Variants in DDAH1 observed in about 807,000 individuals in gnomAD.
The protein encoded by DDAH1 is dimethylarginine dimethylaminohydrolase 1.
A neutral mutation model predicts 28.8 loss-of-function variants in DDAH1; 19 were observed. The ratio of observed to expected loss-of-function variants is 0.66; its 90% CI spans 0.46 to 0.97. The LOEUF (loss-of-function observed/expected upper bound fraction) is 0.97, where lower values mean the gene tolerates loss of function less well. Among genes scored for constraint, DDAH1 ranks in the 50% least tolerant of loss-of-function variants. The pLI, the probability that DDAH1 is intolerant of heterozygous loss-of-function variation, is 0.00. For missense variants in DDAH1, 326 were observed against 375.9 expected (o/e 0.87, Z 1.10); for synonymous variants, 153 against 154.4 (o/e 0.99, Z 0.07).
intron 1 of DDAH1, among the ~76,000 whole-genome samples, chr1:85,518,388 C>T (rs1265523378): frequency 6.6e-6 from 1 of 152,180 alleles, no homozygotes. Context: ...AATCCCTTTC[C>T]CTGCTCGTTC....
chr1:85,470,345 T>C (rs1338003513), intron 2 of DDAH1, among the ~76,000 whole-genome samples: 1 of 152,180 alleles, frequency 6.6e-6, no homozygotes, highest in African/African-American at 2.4e-5. Flanking sequence ...TATAAAACCC[T>C]CAGACCTTGT....
chr1:85,464,912 C>G lies in DDAH1; in HGVS notation c.134G>C (p.Arg45Pro), dbSNP rs778865975. ...CACGCCCACGTAGAGCTGGTGCTGC[C>G]GTTCCGCGCGGGCGACGTCCACCTC... ...GEEVDVARAE[R>P]QHQLYVGVLG... The change falls in exon 1 of 6, where the codon CGG becomes CCG. Residue 45 changes from arginine (R) to proline (P), a missense_variant. Coordinates refer to ENST00000284031, the MANE Select transcript of DDAH1 (RefSeq NM_012137.4). The surrounding 1 kb of genome is among the most constrained non-coding windows in gnomAD (Gnocchi z 4.4). 2.6e-6 allele frequency: 4 copies of G among 1,560,222 alleles called. No homozygotes were observed. The highest frequency in any genetic ancestry group is 1.2e-5 in the South Asian group (1 of 85,716).
chr1:85,520,503 T>C (rs1657645710), intron 1 of DDAH1, among the ~76,000 whole-genome samples: 1 of 152,202 alleles, frequency 6.6e-6, no homozygotes, highest in Non-Finnish European at 1.5e-5. Flanking sequence ...ATGCCCAAAA[T>C]ATGTACATGA....
rs557613495 is a variant in DDAH1 at position 85,373,382 on chromosome 1, C to T, written c.304-14535G>A. 7.2e-5 allele frequency among the ~76,000 whole-genome samples: 11 copies of T among 152,200 alleles called. No homozygotes were observed. The East Asian group carries it at 9.6e-4, about 13-fold the overall frequency. ...CAAATCTCATCTCAAATTGTAATCT[C>T]CATGTCCCACATATCAAAGGAGGGA... On this transcript the variant is annotated intron_variant, in intron 1 of 5. Transcript: ENST00000284031.
intron 1 of DDAH1, among the ~76,000 whole-genome samples, chr1:85,424,272 T>A (rs936473509): frequency 6.6e-6 from 1 of 152,076 alleles, no homozygotes; most frequent in African/African-American, 2.4e-5. Flanking sequence ...CTGGAAGAGA[T>A]TAAGGAGAAT....
At position 85,350,389 on chromosome 1, in the gene DDAH1, TAGAAGG is replaced by T. The variant is rs111726010; in HGVS notation, c.597+20_597+25del. 2.6e-5 allele frequency: 41 copies of T among 1,606,266 alleles called. 1 individual carries two copies. In the African/African-American group the frequency reaches 2.8e-4, roughly 11 times the overall value. ...CTGTGGCAGGCACCCCCACTACATT[TAGAAGG>T]AGCACAGTTTTGTATTTACCTTAAG... On this transcript the variant is annotated intron_variant, in intron 4 of 5. Transcript: ENST00000284031.
chr1:85,533,552 A>T (rs1297617268), intron 1 of DDAH1, among the ~76,000 whole-genome samples: 2 of 152,186 alleles, frequency 1.3e-5, no homozygotes, highest in Non-Finnish European at 2.9e-5. Context: ...GGTAAAAGAG[A>T]TGAAAACAGA....
At chr1:85,501,183 GT>G (rs1309863956) in intron 1 of DDAH1, among the ~76,000 whole-genome samples, 1 of 152,136 alleles carries the variant, frequency 6.6e-6, no homozygotes, top group Non-Finnish European at 1.5e-5. Context: ...AGAGTGTTAA[GT>G]TTTGTTACGT....
chr1:85,571,239 G>T (rs1408674475), intron 1 of DDAH1, among the ~76,000 whole-genome samples: 1 of 152,146 alleles, frequency 6.6e-6, no homozygotes, highest in Non-Finnish European at 1.5e-5. Flanking sequence ...CAAAGGGTCG[G>T]TCCCATCTGT....
intron 4 of DDAH1, among the ~76,000 whole-genome samples, chr1:85,335,915 T>C (rs574124027): frequency 3.9e-5 from 6 of 152,052 alleles, no homozygotes; most frequent in Admixed American, 1.3e-4. Flanking sequence ...TGCACCAAGA[T>C]TGTATCACTG....
intron 1 of DDAH1, among the ~76,000 whole-genome samples, chr1:85,406,988 A>AACACATT (rs1244032293): frequency 6.6e-6 from 1 of 152,112 alleles, no homozygotes; most frequent in Non-Finnish European, 1.5e-5. Context: ...TAAGAAGAAA[A>AACACATT]ACACATTATA....
upstream of DDAH1, chr1:85,467,305 G>A (rs1655423483): frequency 6.6e-6 from 1 of 152,178 alleles, no homozygotes; most frequent in Non-Finnish European, 1.5e-5. Context: ...GTTGGAGCCT[G>A]AATATTTCAC....
chr1:85,387,851 G>A (rs1252364997), intron 1 of DDAH1, among the ~76,000 whole-genome samples: 1 of 152,168 alleles, frequency 6.6e-6, no homozygotes, highest in Non-Finnish European at 1.5e-5. Flanking sequence ...AAGAAGCGTT[G>A]CACCAGCATC....
At chr1:85,476,916 G>A (rs1485463448) in intron 2 of DDAH1, among the ~76,000 whole-genome samples, 1 of 152,182 alleles carries the variant, frequency 6.6e-6, no homozygotes, top group Non-Finnish European at 1.5e-5. Context: ...TCACTGACTA[G>A]TAGTAGGTGC....
In DDAH1 at chr1:85,534,479, A is replaced by G. The variant is rs115974375; in HGVS notation, c.-122-38198T>C. Among the ~76,000 whole-genome samples the G allele has an allele frequency of 5.1e-3, 772 of 152,306 alleles. 6 individuals carry two copies. Among genetic ancestry groups the G allele is most frequent in the African/African-American group, 0.018 (731 of 41,572 alleles). On this transcript the variant is annotated intron_variant, in intron 1 of 6. Coordinates refer to the DDAH1 transcript ENST00000426972. ...ACACACACATACTTTTTTGAAAAAT[A>G]TAACTATAAAAGAAAAGAGAGTGTG...
Position 85,464,663 on chromosome 1 carries a change from A to T in DDAH1, c.303+80T>A. ...TACTAGCCCGAGGGCCAATGGCGCG[A>T]CTCCCCAGGCAACACGGCGGCCGGC... On this transcript the variant is annotated intron_variant, in intron 1 of 5. Transcript: ENST00000284031. The surrounding 1 kb of genome is among the most constrained non-coding windows in gnomAD (Gnocchi z 4.4). The T allele has an allele frequency of 6.9e-7, 1 of 1,450,142 alleles. No individual in the cohort carries two copies. Among genetic ancestry groups the T allele is most frequent in the Non-Finnish European group, 9.1e-7 (1 of 1,103,828 alleles). 89.8% of individuals were successfully genotyped at this position (1,450,142 alleles called of 1,614,324 possible). A position where few individuals can be genotyped will look rare whatever the true frequency, so the allele number is the denominator to read the frequency against.
chr1:85,549,146 T>C (rs1337740008), intron 1 of DDAH1, among the ~76,000 whole-genome samples: 2 of 152,182 alleles, frequency 1.3e-5, no homozygotes, highest in Non-Finnish European at 2.9e-5. Context: ...GCATGGGTTT[T>C]CATAAAGGTT....
At chr1:85,355,511 G>A (rs1649446373) in intron 2 of DDAH1, among the ~76,000 whole-genome samples, 1 of 152,110 alleles carries the variant, frequency 6.6e-6, no homozygotes. Context: ...TTGATTTCAT[G>A]CTGGGGTTGC....
Position 85,465,135 on chromosome 1 carries a change from G to A in DDAH1, c.-90C>T, listed in dbSNP as rs1655316867. On this transcript the variant is annotated 5_prime_UTR_variant, in exon 1 of 6. Coordinates refer to ENST00000284031, the MANE Select transcript of DDAH1 (RefSeq NM_012137.4). ...GCGCTGAGCCTGCGAGCGCCCGTCG[G>A]CTCCTCTTGGCAGCCGCTGAATGTG... 1.0e-5 allele frequency: 12 copies of A among 1,166,604 alleles called. No homozygotes were observed. The highest frequency in any genetic ancestry group is 1.3e-5 in the Non-Finnish European group (12 of 946,890). The allele number at this position is 1,166,604 out of a possible 1,614,324, so 72.3% of individuals were successfully genotyped here. A position where few individuals can be genotyped will look rare whatever the true frequency, so the allele number is the denominator to read the frequency against.
Sources: allele counts gnomAD v4.1 joint callset (sites outside exome capture counted in the v4.1 genomes callset), GRCh38; gene constraint gnomAD v4.1.1; non-coding constraint Gnocchi (gnomAD v3.1); transcripts MANE v1.5; gene names NCBI Gene and HGNC (gene_info 2026-07-23, HGNC 2026-07-21).